Variants in CLEC16A observed in about 807,000 individuals in gnomAD.
CLEC16A encodes C-type lectin domain containing 16A, also known as protein CLEC16A.
In CLEC16A, 51 loss-of-function variants were observed where a neutral mutation model predicts 109.5. The ratio of observed to expected loss-of-function variants is 0.47; its 90% CI spans 0.37 to 0.59. The LOEUF is 0.59. CLEC16A is among the 20% of genes least tolerant of loss of function. CLEC16A has a pLI of 0.00. For missense variants in CLEC16A, 1,339 were observed against 1,394.0 expected, an observed-to-expected ratio of 0.96 and a Z score of 0.63; for synonymous variants, 673 against 564.2, an observed-to-expected ratio of 1.19 and a Z score of -2.73.
intron 11 of CLEC16A, among the ~76,000 whole-genome samples, chr16:11,018,141 C>G (rs1018529303): frequency 2.6e-5 from 4 of 151,396 alleles, no homozygotes; most frequent in African/African-American, 4.9e-5. Context: ...GACCCCATCT[C>G]TACAAATACT....
intron 3 of CLEC16A, among the ~76,000 whole-genome samples, chr16:10,964,993 G>A (rs184631693): frequency 2.6e-5 from 4 of 152,096 alleles, no homozygotes; most frequent in Non-Finnish European, 5.9e-5. Flanking sequence ...TGAGAGCTCC[G>A]GAACTTACTC....
intron 22 of CLEC16A, among the ~76,000 whole-genome samples, chr16:11,164,636 A>G (rs943120292): frequency 1.2e-4 from 18 of 152,262 alleles, no homozygotes; most frequent in Non-Finnish European, 1.0e-4. Context: ...TAACCTGGCA[A>G]AAAAGCCTTT....
In CLEC16A at chr16:10,973,011, C is replaced by A; in HGVS notation, c.678C>A (p.Phe226Leu). ...CTTACTTCTCCAATTTGGTCTGGTT[C>A]ATTGGGAGCCATGTGATCGAACTCG... ...AVPYFSNLVW[F>L]IGSHVIELDD... Residue 226 changes from phenylalanine to leucine, a missense_variant, in exon 7 of 24, where the codon TTC becomes TTA. Phe to Leu is a conservative substitution (Grantham distance 22, BLOSUM62 0). Coordinates refer to ENST00000409790, the MANE Select transcript of CLEC16A (RefSeq NM_015226.3). 6.2e-7 allele frequency: 1 copy of A among 1,610,236 alleles called. No individual in the cohort carries two copies. Among genetic ancestry groups the A allele is most frequent in the Non-Finnish European group, 8.5e-7 (1 of 1,178,460 alleles).
intron 14 of CLEC16A, chr16:11,041,401 A>G (rs1265673454): frequency 6.6e-6 from 1 of 152,252 alleles, no homozygotes; most frequent in Non-Finnish European, 1.5e-5. Flanking sequence ...GTTAGCTTAT[A>G]AAGACTGCTG....
At chr16:11,017,324 C>A (rs931859290) in intron 11 of CLEC16A, among the ~76,000 whole-genome samples, 2 of 152,136 alleles carry the variant, frequency 1.3e-5, no homozygotes, top group Non-Finnish European at 2.9e-5. Context: ...AAGACAGCTA[C>A]AAAACCCCTG....
intron 22 of CLEC16A, among the ~76,000 whole-genome samples, chr16:11,146,926 G>A (rs1023722219): frequency 6.6e-5 from 10 of 152,096 alleles, no homozygotes; most frequent in African/African-American, 2.4e-4. Context: ...AGATAGTCTA[G>A]AACTTCCCAC....
chr16:11,036,278 C>G (rs1038656111), intron 13 of CLEC16A, among the ~76,000 whole-genome samples: 2 of 152,082 alleles, frequency 1.3e-5, no homozygotes, highest in Admixed American at 6.5e-5. Flanking sequence ...TTCCCCCATC[C>G]TCCACCTCAT....
chr16:10,997,234 T>A (rs1387014151), intron 10 of CLEC16A, among the ~76,000 whole-genome samples: 1 of 152,202 alleles, frequency 6.6e-6, no homozygotes, highest in African/African-American at 2.4e-5. Flanking sequence ...GATCTTGGGA[T>A]TACAGGCATG....
chr16:11,166,371 G>T lies in CLEC16A; in HGVS notation c.2642-17G>T. 1.3e-6 allele frequency: 2 copies of T among 1,586,594 alleles called. No individual in the cohort carries two copies. Among genetic ancestry groups the T allele is most frequent in the Non-Finnish European group, 1.7e-6 (2 of 1,169,326 alleles). ...ACTCTTTGCTTCCACTTGGTCACCT[G>T]GTACTTTGTCTTGCAGGCTTCGCCG... On this transcript the variant is annotated splice_polypyrimidine_tract_variant and intron_variant, in intron 22 of 23. Coordinates refer to ENST00000409790, the MANE Select transcript of CLEC16A (RefSeq NM_015226.3).
At chr16:11,156,577 T>C in intron 22 of CLEC16A, 2 of 1,304,136 alleles carry the variant, frequency 1.5e-6, no homozygotes, top group Non-Finnish European at 2.0e-6. Flanking sequence ...GTTTCAGCCC[T>C]GCTGACTGCC....
At chr16:11,052,242 G>T (rs1341081949) in intron 18 of CLEC16A, among the ~76,000 whole-genome samples, 8 of 152,132 alleles carry the variant, frequency 5.3e-5, no homozygotes, top group African/African-American at 1.9e-4. Context: ...TCCCGGGTAA[G>T]ATCAGAGTTT....
chr16:11,082,636 C>T (rs542446371), intron 19 of CLEC16A, among the ~76,000 whole-genome samples: 1 of 152,284 alleles, frequency 6.6e-6, no homozygotes, highest in Admixed American at 6.5e-5. Flanking sequence ...GCATCCTGGG[C>T]CAGCTCAGCC....
At chr16:11,001,156 G>A (rs2044646690) in intron 10 of CLEC16A, among the ~76,000 whole-genome samples, 1 of 151,822 alleles carries the variant, frequency 6.6e-6, no homozygotes, top group Non-Finnish European at 1.5e-5. Flanking sequence ...GTGCAGTGGC[G>A]CCATGTTGGC....
At chr16:11,064,002 G>A (rs1237457828) in intron 19 of CLEC16A, among the ~76,000 whole-genome samples, 4 of 151,236 alleles carry the variant, frequency 2.6e-5, no homozygotes, top group Non-Finnish European at 5.9e-5. Flanking sequence ...GGGAGGGAAG[G>A]GAAGAGGGGA....
chr16:10,998,769 G>A (rs1023401028), intron 10 of CLEC16A, among the ~76,000 whole-genome samples: 5 of 152,124 alleles, frequency 3.3e-5, no homozygotes, highest in Non-Finnish European at 5.9e-5. Flanking sequence ...GTCCGCCCCT[G>A]CTCTGGTCCA....
At chr16:10,956,793 CTTAT>C (rs60491400) in intron 1 of CLEC16A, among the ~76,000 whole-genome samples, 10,964 of 151,754 alleles carry the variant, frequency 0.072, 536 homozygotes, top group Non-Finnish European at 0.11. Flanking sequence ...CTCTGCAGCC[CTTAT>C]TTATTTATTT....
In CLEC16A at chr16:11,025,301, A is replaced by G. The variant is rs78517217; in HGVS notation, c.1537+380A>G. Among the ~76,000 whole-genome samples the G allele has an allele frequency of 5.2e-3, 788 of 152,312 alleles. 7 individuals carry two copies. The highest frequency in any genetic ancestry group is 0.018 in the African/African-American group (753 of 41,572). ...AATTGTAATCTTGGTTTTGCTATTT[A>G]TAACACTTGGTGTTCTTATTCTGTG... On this transcript the variant is annotated intron_variant, in intron 13 of 23. Transcript: ENST00000409790.
At chr16:11,115,033 C>G (rs935301463) in intron 19 of CLEC16A, among the ~76,000 whole-genome samples, 2 of 152,156 alleles carry the variant, frequency 1.3e-5, no homozygotes, top group African/African-American at 2.4e-5. Context: ...TTTATCCTTC[C>G]TTTTTTGTTC....
In CLEC16A at chr16:11,042,379, C is replaced by T. The variant is rs199542015; in HGVS notation, c.1770+16C>T. 2.6e-6 allele frequency: 4 copies of T among 1,539,184 alleles called. No individual in the cohort carries two copies. The South Asian group carries it at 4.7e-5, about 18-fold the overall frequency. On this transcript the variant is annotated intron_variant, in intron 15 of 23. Coordinates refer to ENST00000409790, the MANE Select transcript of CLEC16A (RefSeq NM_015226.3). ...CTGCCTGGAGGTAACGCCCTCTCCG[C>T]TCCTCCTTCCTGTGGGCCAAGGGAG...
Sources: allele counts gnomAD v4.1 joint callset (sites outside exome capture counted in the v4.1 genomes callset), GRCh38; gene constraint gnomAD v4.1.1; transcripts MANE v1.5; gene names NCBI Gene and HGNC (gene_info 2026-07-23, HGNC 2026-07-21).